The following RABGAP1L variants were observed in gnomAD, a reference collection of about 807,000 sequenced individuals.
The protein encoded by RABGAP1L is rab GTPase-activating protein 1-like.
In RABGAP1L, 63 loss-of-function variants were observed where a neutral mutation model predicts 137.7. The observed-to-expected ratio is 0.46, with a 90% CI of 0.37 to 0.56. The LOEUF (loss-of-function observed/expected upper bound fraction) is 0.56, where lower values mean the gene tolerates loss of function less well. Ranked by LOEUF, RABGAP1L falls within the 20% of genes least tolerant of loss-of-function variation. The pLI is 0.00. For missense variants in RABGAP1L, 1,095 were observed against 1,244.0 expected (o/e 0.88, Z 1.80); for synonymous variants, 431 against 433.7 (o/e 0.99, Z 0.08).
At chr1:174,366,817 C>T (rs1055840505) in intron 11 of RABGAP1L, among the ~76,000 whole-genome samples, 37 of 144,732 alleles carry the variant, frequency 2.6e-4, no homozygotes, top group Admixed American at 2.0e-3. Context: ...AGAAGTTTAG[C>T]ACTAACAGTA....
rs1040110687 is a variant in RABGAP1L at position 174,870,021 on chromosome 1, C to A, written c.2340+58061C>A. 7.2e-5 allele frequency among the ~76,000 whole-genome samples: 11 copies of A among 152,274 alleles called. No homozygotes were observed. In the East Asian group the frequency reaches 2.1e-3, roughly 29 times the overall value. On this transcript the variant is annotated intron_variant, in intron 19 of 25. Transcript: ENST00000681986. ...CAAACAGACTAAGACAGTCACATAGCCAGTGAGTGGTGGAGCCCAGTATCA... is the reference window on the plus strand; with the variant it reads ...CAAACAGACTAAGACAGTCACATAGACAGTGAGTGGTGGAGCCCAGTATCA...
chr1:174,691,463 T>C (rs1557988960), intron 15 of RABGAP1L, among the ~76,000 whole-genome samples: 1 of 152,248 alleles, frequency 6.6e-6, no homozygotes, highest in Non-Finnish European at 1.5e-5. Context: ...TATCAACATT[T>C]ATTACCAAAC....
At chr1:174,768,440 G>A (rs1685850645) in intron 18 of RABGAP1L, among the ~76,000 whole-genome samples, 1 of 152,214 alleles carries the variant, frequency 6.6e-6, no homozygotes, top group African/African-American at 2.4e-5. Context: ...TGCCCACCAG[G>A]AGGCAAACTG....
At chr1:174,818,458 A>C (rs1690664840) in intron 19 of RABGAP1L, among the ~76,000 whole-genome samples, 1 of 152,232 alleles carries the variant, frequency 6.6e-6, no homozygotes, top group Non-Finnish European at 1.5e-5. Context: ...AGTTTCAGTT[A>C]AGTTATGACA....
intron 13 of RABGAP1L, among the ~76,000 whole-genome samples, chr1:174,402,428 C>A (rs923570246): frequency 6.6e-6 from 1 of 152,030 alleles, no homozygotes; most frequent in African/African-American, 2.4e-5. Flanking sequence ...ATTTATAATT[C>A]AGAAACTATT....
chr1:174,796,229 G>A (rs564015949), intron 18 of RABGAP1L, among the ~76,000 whole-genome samples: 2 of 152,284 alleles, frequency 1.3e-5, no homozygotes, highest in Admixed American at 1.3e-4. Flanking sequence ...TACTCAGTAG[G>A]CTGAGGTAGG....
intron 10 of RABGAP1L, among the ~76,000 whole-genome samples, chr1:174,285,095 C>T (rs542022219): frequency 6.6e-6 from 1 of 152,236 alleles, no homozygotes; most frequent in Non-Finnish European, 1.5e-5. Flanking sequence ...TGGCTCACTG[C>T]AACCTCTGCC....
intron 14 of RABGAP1L, among the ~76,000 whole-genome samples, chr1:174,656,540 A>G (rs1298626779): frequency 6.6e-6 from 1 of 152,220 alleles, no homozygotes; most frequent in Non-Finnish European, 1.5e-5. Flanking sequence ...CTACTGTTTA[A>G]TTTCAGAACA....
At chr1:174,772,090 T>C (rs1686153860) in intron 18 of RABGAP1L, among the ~76,000 whole-genome samples, 1 of 151,656 alleles carries the variant, frequency 6.6e-6, no homozygotes, top group African/African-American at 2.4e-5. Context: ...TCCCAGCTAC[T>C]CGAGAGGCTG....
chr1:174,870,740 CT>C (rs796488016), intron 19 of RABGAP1L, among the ~76,000 whole-genome samples: 306 of 141,516 alleles, frequency 2.2e-3, no homozygotes, highest in South Asian at 9.9e-3. Context: ...ATTATAACTT[CT>C]TTTTTTTTTT....
chr1:174,946,938 A>ATGTGTGTGTGTG (rs1260955516), intron 19 of RABGAP1L, among the ~76,000 whole-genome samples: 1 of 65,396 alleles, frequency 1.5e-5, no homozygotes, highest in Non-Finnish European at 2.7e-5. Context: ...ATATATATAT[A>ATGTGTGTGTGTG]TATGTGTGTG....
Position 174,272,402 on chromosome 1 carries a change from C to T in RABGAP1L, c.987-12C>T. 2.5e-6 allele frequency: 4 copies of T among 1,596,068 alleles called. No homozygotes were observed. Among genetic ancestry groups the T allele is most frequent in the Non-Finnish European group, 3.4e-6 (4 of 1,173,752 alleles). On this transcript the variant is annotated splice_polypyrimidine_tract_variant and intron_variant, in intron 7 of 25. Coordinates refer to ENST00000681986, the MANE Select transcript of RABGAP1L (RefSeq NM_001366446.1). ...TACCTTATTTCTCCTTTTTTTCCCC[C>T]AATATTTTCAGATGTTTTGGAATGT...
chr1:174,763,637 C>T (rs2148709019), intron 18 of RABGAP1L, among the ~76,000 whole-genome samples: 2 of 102,918 alleles, frequency 1.9e-5, no homozygotes, highest in Middle Eastern at 0.025. Flanking sequence ...GGCGACAGAG[C>T]GAGACTCCGT....
intron 17 of RABGAP1L, among the ~76,000 whole-genome samples, chr1:174,732,564 TAAA>T (rs962094419): frequency 1.3e-5 from 2 of 152,154 alleles, no homozygotes; most frequent in Non-Finnish European, 2.9e-5. Context: ...AATATTTCCT[TAAA>T]AAGGATACCT....
chr1:174,281,389 C>G (rs1013194415), intron 10 of RABGAP1L, among the ~76,000 whole-genome samples: 2 of 152,146 alleles, frequency 1.3e-5, no homozygotes, highest in African/African-American at 4.8e-5. Context: ...ATTAGCTAGA[C>G]ACAGAGCACT....
chr1:174,502,294 T>G (rs911848564), intron 13 of RABGAP1L, among the ~76,000 whole-genome samples: 10 of 151,652 alleles, frequency 6.6e-5, no homozygotes, highest in Non-Finnish European at 1.2e-4. Context: ...CTGGAGAAAC[T>G]GACTATTCCA....
chr1:174,272,387 C>T, intron 7 of RABGAP1L, 27 bp from the exon 8 acceptor site: 1 of 1,599,516 alleles, frequency 6.3e-7, no homozygotes, highest in Non-Finnish European at 8.5e-7. Context: ...TACCTTATTT[C>T]TCCTTTTTTT....
At chr1:174,370,109 TC>T in intron 11 of RABGAP1L, among the ~76,000 whole-genome samples, 1 of 152,328 alleles carries the variant, frequency 6.6e-6, no homozygotes, top group Non-Finnish European at 1.5e-5. Context: ...TAAATGCCAA[TC>T]CCTCTTATAC....
At chr1:174,321,107 G>C (rs565317531) in intron 11 of RABGAP1L, among the ~76,000 whole-genome samples, 1 of 152,114 alleles carries the variant, frequency 6.6e-6, no homozygotes, top group Non-Finnish European at 1.5e-5. Flanking sequence ...TATGGTTGTT[G>C]ATAAGGGATA....
Sources: gnomAD v4.1 joint callset for allele counts (sites outside exome capture counted in the v4.1 genomes callset) on GRCh38, gnomAD v4.1.1 for gene constraint, MANE v1.5 for transcripts, NCBI Gene and HGNC (gene_info 2026-07-23, HGNC 2026-07-21) for gene names.